SDK1: variants seen among roughly 807,000 people sequenced by gnomAD.
SDK1 encodes sidekick cell adhesion molecule 1.
A neutral mutation model predicts 245.5 loss-of-function variants in SDK1; 157 were observed. The ratio of observed to expected loss-of-function variants is 0.64; its 90% confidence interval spans 0.56 to 0.73. SDK1 has a LOEUF of 0.73. Among genes scored for constraint, SDK1 ranks in the 30% least tolerant of loss-of-function variants. SDK1 has a pLI of 0.00. For missense variants in SDK1, 3,583 were observed against 3,002.3 expected (o/e 1.19, Z -4.52); for synonymous variants, 1,647 against 1,278.5 (o/e 1.29, Z -6.15).
At chr7:4,122,129 C>T (rs186165864) in intron 25 of SDK1, among the ~76,000 whole-genome samples, 4 of 152,156 alleles carry the variant, frequency 2.6e-5, no homozygotes, top group South Asian at 2.1e-4. Flanking sequence ...GCAGGACTTC[C>T]GCTCCCCCTC....
intron 7 of SDK1, among the ~76,000 whole-genome samples, chr7:3,956,264 A>G (rs767570630): frequency 2.6e-5 from 4 of 152,144 alleles, no homozygotes; most frequent in African/African-American, 9.7e-5. Flanking sequence ...CTCATTTACA[A>G]TGGGTTTTCC....
At chr7:3,498,845 C>G (rs111468317) in intron 1 of SDK1, among the ~76,000 whole-genome samples, 2 of 151,346 alleles carry the variant, frequency 1.3e-5, no homozygotes, top group Non-Finnish European at 2.9e-5. Context: ...ACTGAAGTCT[C>G]TTTTTTGGGC....
chr7:3,471,091 ATGAG>A (rs1781168725), intron 1 of SDK1, among the ~76,000 whole-genome samples: 1 of 152,186 alleles, frequency 6.6e-6, no homozygotes, highest in Non-Finnish European at 1.5e-5. Context: ...TATATGGGAC[ATGAG>A]TTGCTATTAT....
At chr7:4,229,931 G>C (rs1785643823) in intron 40 of SDK1, among the ~76,000 whole-genome samples, 1 of 151,734 alleles carries the variant, frequency 6.6e-6, no homozygotes, top group African/African-American at 2.4e-5. Flanking sequence ...GAAAGCCCAT[G>C]GGATACAAAG....
Position 3,395,863 on chromosome 7 carries a change from TTCTC to T in SDK1, c.298+93987_298+93990del, listed in dbSNP as rs541612588. The stretch of plus-strand genomic sequence containing the variant: ...TCATTCCTGATTTTTGTGGTTTTCT[TTCTC>T]TCTCTCTTTGCCAAGGGTTTGCCAA... On this transcript the variant is annotated intron_variant, in intron 1 of 44. Transcript: ENST00000404826. Among the ~76,000 whole-genome samples the T allele has an allele frequency of 2.7e-4, 41 of 151,918 alleles. No individual in the cohort carries two copies. In the South Asian group the frequency reaches 4.6e-3, roughly 17 times the overall value.
chr7:3,668,680 A>G (rs767329698), intron 4 of SDK1, among the ~76,000 whole-genome samples: 2 of 152,086 alleles, frequency 1.3e-5, no homozygotes, highest in Non-Finnish European at 2.9e-5. Flanking sequence ...AATCCCACCT[A>G]CTCGGGAGGC....
At chr7:4,259,805 C>G (rs1344643002) in intron 44 of SDK1, among the ~76,000 whole-genome samples, 7 of 152,108 alleles carry the variant, frequency 4.6e-5, no homozygotes, top group Admixed American at 4.6e-4. Flanking sequence ...TGCGCGGATC[C>G]TAGAGAGAAG....
At chr7:3,831,766 AT>A (rs1178429266) in intron 5 of SDK1, among the ~76,000 whole-genome samples, 1 of 151,986 alleles carries the variant, frequency 6.6e-6, no homozygotes, top group Non-Finnish European at 1.5e-5. Context: ...TAAAAAAAAA[AT>A]TAATCACCCG....
intron 1 of SDK1, among the ~76,000 whole-genome samples, chr7:3,407,967 CAG>C (rs376713729): frequency 1.3e-5 from 2 of 151,364 alleles, no homozygotes. Flanking sequence ...GGCTGGGAAG[CAG>C]AGAGAGAGAG....
rs572469001 is a variant in SDK1, at chr7:3,379,730, A to G, written c.298+77846A>G. On this transcript the variant is annotated intron_variant, in intron 1 of 44. Transcript: ENST00000404826. Reference sequence around the variant, plus strand: ...GGAAAAGCATGAATTTATGTACTGTATGTGAAATATATAGACACATACATA... The same window carrying G: ...GGAAAAGCATGAATTTATGTACTGTGTGTGAAATATATAGACACATACATA... Among the ~76,000 whole-genome samples, 167 of 152,330 alleles carry G rather than the reference A, an allele frequency of 1.1e-3. 1 individual carries two copies. The highest frequency in any genetic ancestry group is 9.1e-3 in the South Asian group (44 of 4,828).
chr7:3,911,015 A>G (rs1216003935), intron 5 of SDK1, among the ~76,000 whole-genome samples: 1 of 152,040 alleles, frequency 6.6e-6, no homozygotes, highest in East Asian at 1.9e-4. Context: ...CTCCAGCGCC[A>G]CTGATGCACA....
chr7:3,613,962 G>C (rs944147631), intron 1 of SDK1, among the ~76,000 whole-genome samples: 2 of 152,146 alleles, frequency 1.3e-5, no homozygotes, highest in Non-Finnish European at 1.5e-5. Context: ...AACACACATT[G>C]AGTCCTGTTG....
chr7:3,313,636 C>T (rs1446052318), intron 1 of SDK1, among the ~76,000 whole-genome samples: 1 of 152,124 alleles, frequency 6.6e-6, no homozygotes, highest in Non-Finnish European at 1.5e-5. Context: ...ACTCATACTG[C>T]AGATTAACGG....
chr7:3,518,964 TAAAA>T (rs58952334), intron 1 of SDK1, among the ~76,000 whole-genome samples: 1 of 144,836 alleles, frequency 6.9e-6, no homozygotes, highest in African/African-American at 2.5e-5. Flanking sequence ...TATTCAGCCA[TAAAA>T]AAAAAAAGGA....
intron 4 of SDK1, among the ~76,000 whole-genome samples, chr7:3,788,267 G>A (rs1780968968): frequency 6.6e-6 from 1 of 152,190 alleles, no homozygotes; most frequent in Non-Finnish European, 1.5e-5. Flanking sequence ...ACGCTTGTCA[G>A]AACAGCAGAA....
chr7:3,541,466 A>C (rs1400165204), intron 1 of SDK1, among the ~76,000 whole-genome samples: 1 of 152,132 alleles, frequency 6.6e-6, no homozygotes, highest in Non-Finnish European at 1.5e-5. Flanking sequence ...ATCCATTCCC[A>C]ACCTCTTTTC....
chr7:3,505,618 T>G (rs1782368677), intron 1 of SDK1, among the ~76,000 whole-genome samples: 1 of 152,206 alleles, frequency 6.6e-6, no homozygotes. Flanking sequence ...TAGTTGGCCC[T>G]TGAAAACATG....
chr7:4,148,633 G>T (rs1329467217), intron 29 of SDK1, among the ~76,000 whole-genome samples: 1 of 152,240 alleles, frequency 6.6e-6, no homozygotes, highest in Non-Finnish European at 1.5e-5. Flanking sequence ...GCTTGGAACA[G>T]CCCCCAAGAC....
intron 1 of SDK1, among the ~76,000 whole-genome samples, chr7:3,517,216 G>C (rs1238330927): frequency 6.6e-6 from 1 of 152,110 alleles, no homozygotes; most frequent in African/African-American, 2.4e-5. Flanking sequence ...GTTTATAAGA[G>C]TGCCCAGTAA....
Sources: allele counts gnomAD v4.1 joint callset (sites outside exome capture counted in the v4.1 genomes callset), GRCh38; gene constraint gnomAD v4.1.1; transcripts MANE v1.5; gene names NCBI Gene and HGNC (gene_info 2026-07-23, HGNC 2026-07-21).